The following IFI44L variants were observed in gnomAD, a reference collection of about 807,000 sequenced individuals.
IFI44L encodes the protein interferon induced protein 44 like.
A neutral mutation model predicts 39.3 loss-of-function variants in IFI44L; 40 were observed. The observed-to-expected ratio is 1.02, with a 90% confidence interval of 0.79 to 1.33. The LOEUF is 1.33. Among genes scored for constraint, IFI44L ranks in the 40% most tolerant of loss-of-function variants. IFI44L has a pLI of 0.00. For synonymous variants in IFI44L, 198 were observed against 182.3 expected (o/e 1.09, Z -0.69); for missense variants, 623 against 549.0 (o/e 1.13, Z -1.35).
rs1647028818 is a variant in IFI44L at position 78,644,733 on chromosome 1, A to G, written c.*2924A>G. The G allele has an allele frequency of 6.6e-6, 1 of 152,330 alleles. No individual in the cohort carries two copies. Among genetic ancestry groups the G allele is most frequent in the Admixed American group, 6.5e-5 (1 of 15,298 alleles). The allele number at this position is 152,330 out of a possible 1,614,324, so 9.4% of individuals were successfully genotyped here. On this transcript the variant is annotated 3_prime_UTR_variant, in exon 9 of 9. Coordinates refer to ENST00000370751, the MANE Select transcript of IFI44L (RefSeq NM_006820.4). ...CAAAGACACTAAATTCTTCTTAGAA[A>G]AATAGTGCTAAGGAGTATAGCAGAT...
At chr1:78,637,936 C>T (rs1310935927) in intron 6 of IFI44L, among the ~76,000 whole-genome samples, 3 of 151,976 alleles carry the variant, frequency 2.0e-5, no homozygotes, top group Admixed American at 1.3e-4. Context: ...GTTTTTATTC[C>T]TCTGGGGTAC....
In IFI44L at chr1:78,623,425, TTA is replaced by T. The variant is rs1340093098; in HGVS notation, c.-11+2855_-11+2856del. Among the ~76,000 whole-genome samples, 89 of 124,384 alleles carry T rather than the reference TTA, an allele frequency of 7.2e-4. 1 individual carries two copies. Among genetic ancestry groups the T allele is most frequent in the East Asian group, 5.9e-3 (24 of 4,058 alleles). The allele number at this position is 124,384 out of a possible 152,430, so 81.6% of individuals were successfully genotyped here. A position where few individuals can be genotyped will look rare whatever the true frequency, so the allele number is the denominator to read the frequency against. On this transcript the variant is annotated intron_variant, in intron 1 of 8. Coordinates refer to ENST00000370751, the MANE Select transcript of IFI44L (RefSeq NM_006820.4). ...TTTTTTTTTTTTTTTTTTTTTTTTT[TTA>T]AATCATGGAAGGACTTGGGTTTTAT... is the stretch of plus-strand genomic sequence containing the variant.
chr1:78,641,927 T>A lies in IFI44L; in HGVS notation c.*118T>A. 1 of 1,146,096 alleles carries A rather than the reference T, an allele frequency of 8.7e-7. No homozygotes were observed. Among genetic ancestry groups the A allele is most frequent in the Non-Finnish European group, 1.3e-6 (1 of 754,762 alleles). 71.0% of individuals were successfully genotyped at this position (1,146,096 alleles called of 1,614,324 possible). ...CTTTTGTTCGTTTTGCCTTCTGTCC[T>A]TGGAACAGTCATATCTCAAGTTCAA... On this transcript the variant is annotated 3_prime_UTR_variant, in exon 9 of 9. Transcript: ENST00000370751.
At position 78,628,215 on chromosome 1, in the gene IFI44L, C is replaced by A; in HGVS notation, c.300C>A (p.Leu100=). The A allele has an allele frequency of 6.2e-7, 1 of 1,612,734 alleles. No individual in the cohort carries two copies. The highest frequency in any genetic ancestry group is 1.1e-5 in the South Asian group (1 of 90,902). ...KNDTTEIETL[L]LNTAPKIIDE... is the part of the protein sequence containing the mutation. ...ACACCACTGAAATAGAAACTTTACT[C>A]TTAAATACAGCACCAAAAATTATTG... is the stretch of plus-strand genomic sequence containing the variant. The change falls in exon 2 of 9, where the codon CTC becomes CTA. Residue 100 remains leucine, a synonymous_variant. Coordinates refer to ENST00000370751, the MANE Select transcript of IFI44L (RefSeq NM_006820.4).
At chr1:78,621,041 A>G (rs1434497440) in intron 1 of IFI44L, 1 of 152,172 alleles carries the variant, frequency 6.6e-6, no homozygotes, top group Non-Finnish European at 1.5e-5. Flanking sequence ...CTTTTTTTCT[A>G]AAAAGGAGTT....
At chr1:78,635,201 G>C in intron 4 of IFI44L, 136 bp from the exon 5 acceptor site, 1 of 616,528 alleles carries the variant, frequency 1.6e-6, no homozygotes, top group Non-Finnish European at 2.8e-6. Context: ...ACTTTTAAGA[G>C]TCTAAAGGGG....
In IFI44L at chr1:78,643,109, A is replaced by C. The variant is rs1430263422; in HGVS notation, c.*1300A>C. On this transcript the variant is annotated 3_prime_UTR_variant, in exon 9 of 9. Transcript: ENST00000370751. ...ACAGTCTAATTTAGTTTTAATCAGA[A>C]TTATACTCATCTTTTGGGTAGTCAT... The C allele has an allele frequency of 1.5e-5, 2 of 134,312 alleles. No individual in the cohort carries two copies. The highest frequency in any genetic ancestry group is 5.0e-5 in the African/African-American group (2 of 40,310). 8.3% of individuals were successfully genotyped at this position (134,312 alleles called of 1,614,324 possible).
rs2100487536 is a variant in IFI44L, at chr1:78,629,864, T to C, written c.672T>C (p.His224=). Residue 224 remains histidine (H), a synonymous_variant, in exon 4 of 9, where the codon CAT becomes CAC. Coordinates refer to ENST00000370751, the MANE Select transcript of IFI44L (RefSeq NM_006820.4). Reference sequence around the variant, plus strand: ...CAGTCAAGTCTATTTTTCATGGCCATGTGACTGGCCAAGCCGTAGTGGGGT... The same window carrying C: ...CAGTCAAGTCTATTTTTCATGGCCACGTGACTGGCCAAGCCGTAGTGGGGT... ...FNSVKSIFHG[H]VTGQAVVGSD... The C allele has an allele frequency of 3.1e-6, 5 of 1,613,744 alleles. No homozygotes were observed. The highest frequency in any genetic ancestry group is 4.2e-6 in the Non-Finnish European group (5 of 1,179,774).
At chr1:78,620,770 G>A (rs1255983517) in intron 1 of IFI44L, 199 bp downstream of exon 1, 1 of 152,078 alleles carries the variant, frequency 6.6e-6, no homozygotes, top group Admixed American at 6.6e-5. Flanking sequence ...ATAAATTATT[G>A]TTAACTATAG....
intron 7 of IFI44L, 80 bp downstream of exon 7, chr1:78,641,201 G>T: frequency 9.6e-7 from 1 of 1,039,494 alleles, no homozygotes; most frequent in South Asian, 1.3e-5. Context: ...GTGTCTGTAC[G>T]TGTATATGTG....
rs983824742 is a variant in IFI44L, at chr1:78,620,513, G to A, written c.-69G>A. The A allele has an allele frequency of 1.1e-4, 17 of 152,174 alleles. No individual in the cohort carries two copies. The highest frequency in any genetic ancestry group is 3.8e-4 in the East Asian group (2 of 5,202). The allele number at this position is 152,174 out of a possible 1,614,324, so 9.4% of individuals were successfully genotyped here. ...TTCTGTCTCCAAACCGTGGCTGCTC[G>A]ATAAATCAGACAGAACAGTTAATCC... On this transcript the variant is annotated 5_prime_UTR_variant, in exon 1 of 9. Transcript: ENST00000370751.
chr1:78,622,699 A>T (rs1359324975), intron 1 of IFI44L, among the ~76,000 whole-genome samples: 1 of 152,192 alleles, frequency 6.6e-6, no homozygotes, highest in African/African-American at 2.4e-5. Context: ...GTAAGTGGTC[A>T]TGTTGGGGAG....
intron 4 of IFI44L, among the ~76,000 whole-genome samples, chr1:78,632,618 G>A (rs1190862994): frequency 6.6e-6 from 1 of 152,112 alleles, no homozygotes; most frequent in Non-Finnish European, 1.5e-5. Flanking sequence ...ATTACTTGTT[G>A]AGCTTTGCTA....
intron 1 of IFI44L, chr1:78,621,103 A>G (rs1652257537): frequency 6.6e-6 from 1 of 152,186 alleles, no homozygotes; most frequent in Admixed American, 6.5e-5. Context: ...CTTTTATTTT[A>G]ATGAAAATTT....
chr1:78,645,910 A>G lies in IFI44L; in HGVS notation c.*4101A>G, dbSNP rs1189635701. On this transcript the variant is annotated 3_prime_UTR_variant, in exon 9 of 9. Transcript: ENST00000370751. ...TCCCACAATCCCACTTCCTTCCTCA[A>G]CACAATTCAAACAAATAGACTCAGA... is the stretch of plus-strand genomic sequence containing the variant. The G allele has an allele frequency of 2.6e-5, 4 of 152,178 alleles. No individual in the cohort carries two copies. The highest frequency in any genetic ancestry group is 4.1e-4 in the South Asian group (2 of 4,830). The allele number at this position is 152,178 out of a possible 1,614,324, so 9.4% of individuals were successfully genotyped here. A position where few individuals can be genotyped will look rare whatever the true frequency, so the allele number is the denominator to read the frequency against.
Position 78,644,062 on chromosome 1 carries a change from T to C in IFI44L, c.*2253T>C, listed in dbSNP as rs962294487. 6.6e-6 allele frequency: 1 copy of C among 152,126 alleles called. No homozygotes were observed. The allele number at this position is 152,126 out of a possible 1,614,324, so 9.4% of individuals were successfully genotyped here. ...AACAGGTCCAAAAAGTAGGGCATGA[T>C]TTTCTCCATGTAATCCAGGGAGAAA... On this transcript the variant is annotated 3_prime_UTR_variant, in exon 9 of 9. Coordinates refer to ENST00000370751, the MANE Select transcript of IFI44L (RefSeq NM_006820.4).
In IFI44L at chr1:78,642,612, G is replaced by A. The variant is rs1004904702; in HGVS notation, c.*803G>A. 1 of 151,416 alleles carries A rather than the reference G, an allele frequency of 6.6e-6. No homozygotes were observed. The highest frequency in any genetic ancestry group is 6.6e-5 in the Admixed American group (1 of 15,166). 9.4% of individuals were successfully genotyped at this position (151,416 alleles called of 1,614,324 possible). A position where few individuals can be genotyped will look rare whatever the true frequency, so the allele number is the denominator to read the frequency against. ...AAAACAAACAAACGAAAAACAGAAA[G>A]GAAGACTGAAAGAGAATGAAAAGCT... On this transcript the variant is annotated 3_prime_UTR_variant, in exon 9 of 9. Transcript: ENST00000370751.
Position 78,636,858 on chromosome 1 carries a change from G to T in IFI44L, c.877-174G>T, listed in dbSNP as rs755708740. The stretch of plus-strand genomic sequence containing the variant: ...TTTTTCCTATAAGAGAGATATAATG[G>T]CATTATGCTCACAGTGGAAAGGAAG... On this transcript the variant is annotated intron_variant, in intron 5 of 8. Coordinates refer to ENST00000370751, the MANE Select transcript of IFI44L (RefSeq NM_006820.4). 5 of 526,216 alleles carry T rather than the reference G, an allele frequency of 9.5e-6. No individual in the cohort carries two copies. The Admixed American group carries it at 1.9e-4, about 20-fold the overall frequency. 32.6% of individuals were successfully genotyped at this position (526,216 alleles called of 1,614,324 possible).
chr1:78,638,252 CT>C (rs1470789582), intron 6 of IFI44L, among the ~76,000 whole-genome samples: 1 of 152,038 alleles, frequency 6.6e-6, no homozygotes, highest in Non-Finnish European at 1.5e-5. Context: ...TGAAATGCCT[CT>C]TCACGTCTTT....
Sources: gnomAD v4.1 joint callset for allele counts (sites outside exome capture counted in the v4.1 genomes callset) on GRCh38, gnomAD v4.1.1 for gene constraint, MANE v1.5 for transcripts, NCBI Gene and HGNC (gene_info 2026-07-23, HGNC 2026-07-21) for gene names.